The following KAZN variants were observed in gnomAD, a reference collection of about 807,000 sequenced individuals.
KAZN encodes kazrin.
In KAZN, 40 loss-of-function variants were observed where a neutral mutation model predicts 87.4. The observed-to-expected ratio is 0.46, with a 90% CI of 0.36 to 0.60. The LOEUF is 0.60. Ranked by LOEUF, KAZN falls within the 20% of genes least tolerant of loss-of-function variation. The probability of loss-of-function intolerance (pLI) is 0.00; values close to 1 mark genes in which losing one functional copy is unlikely to be tolerated. For synonymous variants in KAZN, 466 were observed against 458.3 expected, an observed-to-expected ratio of 1.02 and a Z score of -0.22; for missense variants, 898 against 1,073.9, an observed-to-expected ratio of 0.84 and a Z score of 2.29.
At chr1:14,745,460 G>A (rs893902106) in intron 1 of KAZN, among the ~76,000 whole-genome samples, 2 of 152,048 alleles carry the variant, frequency 1.3e-5, no homozygotes, top group Non-Finnish European at 2.9e-5. Context: ...TGAGAATGGG[G>A]GGAAGTGATT....
chr1:14,599,627 A>G lies in KAZN; in HGVS notation c.226+404A>G, dbSNP rs1180301317. Among the ~76,000 whole-genome samples, 6 of 152,162 alleles carry G rather than the reference A, an allele frequency of 3.9e-5. No homozygotes were observed. The East Asian group carries it at 1.2e-3, about 29-fold the overall frequency. ...CCCCCACTTCCTTAGGCTCCTTCCCAGAGAGAGCTCCGGGCTCTGCCGCCG... is the reference window on the plus strand; with the variant it reads ...CCCCCACTTCCTTAGGCTCCTTCCCGGAGAGAGCTCCGGGCTCTGCCGCCG... On this transcript the variant is annotated intron_variant, in intron 1 of 14. Coordinates refer to ENST00000376030, the MANE Select transcript of KAZN (RefSeq NM_201628.3). The surrounding 1 kb of genome is among the most constrained non-coding windows in gnomAD (Gnocchi z 4.4).
In KAZN at chr1:14,598,974, C is replaced by A. The variant is rs1234534415; in HGVS notation, c.-24C>A. 5 of 1,565,446 alleles carry A rather than the reference C, an allele frequency of 3.2e-6. No individual in the cohort carries two copies. In the Admixed American group the frequency reaches 7.6e-5, roughly 24 times the overall value. On this transcript the variant is annotated 5_prime_UTR_variant, in exon 1 of 15. Coordinates refer to ENST00000376030, the MANE Select transcript of KAZN (RefSeq NM_201628.3). This position sits in a 1 kb window ranked among gnomAD's most constrained non-coding sequence, Gnocchi z 4.2. The stretch of plus-strand genomic sequence containing the variant: ...TCATGCAGCTCTTTGTCACCTCTCT[C>A]GCCCCCAGGCCAAAATCCTGAGCAT...
intron 2 of KAZN, among the ~76,000 whole-genome samples, chr1:14,477,832 TAGAA>T (rs1668838000): frequency 6.6e-6 from 1 of 152,160 alleles, no homozygotes; most frequent in South Asian, 2.1e-4. Context: ...CGCTGCCCAT[TAGAA>T]AGAGGAGATG....
At chr1:14,368,179 C>T (rs1395165971) in intron 2 of KAZN, among the ~76,000 whole-genome samples, 2 of 152,068 alleles carry the variant, frequency 1.3e-5, no homozygotes, top group Non-Finnish European at 2.9e-5. Flanking sequence ...TGAGGGTATA[C>T]GGTGCAAGGA....
intron 2 of KAZN, among the ~76,000 whole-genome samples, chr1:14,222,346 A>T (rs990691796): frequency 2.0e-5 from 3 of 152,206 alleles, no homozygotes; most frequent in Non-Finnish European, 4.4e-5. Context: ...AGAAATCAAG[A>T]GCCTCTTTCC....
chr1:14,445,550 G>A (rs889924840), intron 2 of KAZN, among the ~76,000 whole-genome samples: 4 of 152,176 alleles, frequency 2.6e-5, no homozygotes, highest in African/African-American at 9.7e-5. Flanking sequence ...TGGGCTTCTG[G>A]CTTCCAGGAC....
intron 8 of KAZN, among the ~76,000 whole-genome samples, chr1:15,069,315 C>T (rs1290331699): frequency 1.3e-5 from 2 of 152,166 alleles, no homozygotes; most frequent in Non-Finnish European, 2.9e-5. Flanking sequence ...AGGATAAAGC[C>T]TTTTTGCCCT....
chr1:14,256,951 C>G lies in KAZN; in HGVS notation c.249+76359C>G, dbSNP rs536997452. Reference sequence around the variant, plus strand: ...TCCCACTCCTGCCCCAAATGGCACACTCAGTCCTTGCTTGATTCCCACAAT... The same window carrying G: ...TCCCACTCCTGCCCCAAATGGCACAGTCAGTCCTTGCTTGATTCCCACAAT... On this transcript the variant is annotated intron_variant, in intron 2 of 16. Transcript: ENST00000636203. Among the ~76,000 whole-genome samples, 3 of 152,274 alleles carry G rather than the reference C, an allele frequency of 2.0e-5. No homozygotes were observed. In the East Asian group the frequency reaches 5.8e-4, roughly 30 times the overall value.
At chr1:14,432,406 A>G (rs904535612) in intron 2 of KAZN, among the ~76,000 whole-genome samples, 2 of 152,154 alleles carry the variant, frequency 1.3e-5, no homozygotes, top group Admixed American at 1.3e-4. Context: ...GATTCAGTCC[A>G]CCCAGTCTCA....
intron 1 of KAZN, among the ~76,000 whole-genome samples, chr1:13,974,403 C>T (rs1169309599): frequency 6.6e-6 from 1 of 152,196 alleles, no homozygotes; most frequent in Non-Finnish European, 1.5e-5. Flanking sequence ...CTGCCCACAT[C>T]GAATTCTCAG....
At chr1:14,480,699 ATT>A (rs1000574378) in intron 2 of KAZN, among the ~76,000 whole-genome samples, 2 of 145,450 alleles carry the variant, frequency 1.4e-5, no homozygotes, top group African/African-American at 5.0e-5. Flanking sequence ...TAAAATATAT[ATT>A]TTTATGTATA....
intron 1 of KAZN, among the ~76,000 whole-genome samples, chr1:13,949,228 C>A (rs2100991516): frequency 6.6e-6 from 1 of 152,238 alleles, no homozygotes; most frequent in East Asian, 1.9e-4. Context: ...GTTCAGGGAC[C>A]ACACTTAATT....
intron 2 of KAZN, among the ~76,000 whole-genome samples, chr1:14,431,997 C>T (rs1666099017): frequency 6.6e-6 from 1 of 152,188 alleles, no homozygotes; most frequent in African/African-American, 2.4e-5. Context: ...TTCTGTCCCT[C>T]TGGAGAACCC....
intron 2 of KAZN, among the ~76,000 whole-genome samples, chr1:14,469,555 C>T (rs61771911): frequency 1.3e-5 from 2 of 152,138 alleles, no homozygotes; most frequent in African/African-American, 4.8e-5. Context: ...AAGATGGCAA[C>T]AGCAAATATA....
At chr1:14,906,532 G>C (rs1656602067) in intron 1 of KAZN, among the ~76,000 whole-genome samples, 1 of 151,944 alleles carries the variant, frequency 6.6e-6, no homozygotes, top group South Asian at 2.1e-4. Flanking sequence ...CGAGTTCACT[G>C]TAAAGTTTAT....
chr1:14,447,208 CATT>C (rs55650123), intron 2 of KAZN, among the ~76,000 whole-genome samples: 41,851 of 130,786 alleles, frequency 0.32, 6,851 homozygotes, highest in East Asian at 0.5. Context: ...GTTTCCACCA[CATT>C]ATTATTATTA....
intron 2 of KAZN, among the ~76,000 whole-genome samples, chr1:14,241,108 A>G (rs1648895752): frequency 6.6e-6 from 1 of 152,250 alleles, no homozygotes; most frequent in Non-Finnish European, 1.5e-5. Context: ...AATGGAGGCT[A>G]CAGAGGACAT....
In KAZN at chr1:15,054,525, G is replaced by A. The variant is rs113625090; in HGVS notation, c.727-1566G>A. On this transcript the variant is annotated intron_variant, in intron 4 of 14. Coordinates refer to ENST00000376030, the MANE Select transcript of KAZN (RefSeq NM_201628.3). ...AAATTAGCTGGGCATGGTGGCAGGCGCCTGTAATCCCAGCTACTCAGGAGA... is the reference window on the plus strand; with the variant it reads ...AAATTAGCTGGGCATGGTGGCAGGCACCTGTAATCCCAGCTACTCAGGAGA... Among the ~76,000 whole-genome samples, 543 of 152,060 alleles carry A rather than the reference G, an allele frequency of 3.6e-3. 5 individuals carry two copies. The highest frequency in any genetic ancestry group is 0.012 in the African/African-American group (514 of 41,488).
At position 15,043,943 on chromosome 1, in the gene KAZN, G is replaced by C. The variant is rs745882874; in HGVS notation, c.556-46G>C. 5.2e-6 allele frequency: 8 copies of C among 1,548,738 alleles called. 1 individual carries two copies. The South Asian group carries it at 8.6e-5, about 17-fold the overall frequency. On this transcript the variant is annotated intron_variant, in intron 3 of 14. Coordinates refer to ENST00000376030, the MANE Select transcript of KAZN (RefSeq NM_201628.3). ...TCTAGGCATCCCTGGGCCAGGAGGA[G>C]CCTGGCTGTAACACCCACGGTGCTC...
Sources: allele counts gnomAD v4.1 joint callset (sites outside exome capture counted in the v4.1 genomes callset), GRCh38; gene constraint gnomAD v4.1.1; non-coding constraint Gnocchi (gnomAD v3.1); transcripts MANE v1.5; gene names NCBI Gene and HGNC (gene_info 2026-07-23, HGNC 2026-07-21).